Variants in GRIP1 observed in about 807,000 individuals in gnomAD.
The protein encoded by GRIP1 is glutamate receptor interacting protein 1, also known as glutamate receptor-interacting protein 1.
A neutral mutation model predicts 129.9 loss-of-function variants in GRIP1; 45 were observed. That is an observed-to-expected ratio of 0.35 (90% CI 0.27 to 0.44). The LOEUF is 0.44. Ranked by LOEUF, GRIP1 falls within the 20% of genes least tolerant of loss-of-function variation. The pLI is 1.00. For synonymous variants in GRIP1, 530 were observed against 520.8 expected (o/e 1.02, Z -0.24); for missense variants, 1,196 against 1,396.8 (o/e 0.86, Z 2.29).
intron 2 of GRIP1, among the ~76,000 whole-genome samples, chr12:66,590,884 T>G (rs970145285): frequency 6.6e-6 from 1 of 152,234 alleles, no homozygotes; most frequent in African/African-American, 2.4e-5. Context: ...ACAGAAAACA[T>G]GTGGTCAACA....
intron 1 of GRIP1, among the ~76,000 whole-genome samples, chr12:66,753,158 T>C (rs2037181530): frequency 6.6e-6 from 1 of 152,188 alleles, no homozygotes; most frequent in African/African-American, 2.4e-5. Flanking sequence ...TATATGGCTA[T>C]CCGACCCCAT....
chr12:66,485,811 T>C (rs1479188310), intron 7 of GRIP1, among the ~76,000 whole-genome samples: 1 of 135,840 alleles, frequency 7.4e-6, no homozygotes, highest in Admixed American at 6.8e-5. Context: ...AAAGGGCTAC[T>C]TTTTTTCTCA....
chr12:66,714,977 T>C (rs1188266775), intron 1 of GRIP1, among the ~76,000 whole-genome samples: 1 of 151,766 alleles, frequency 6.6e-6, no homozygotes, highest in Non-Finnish European at 1.5e-5. Flanking sequence ...ATCCAACCCA[T>C]CAGTCAAATC....
At chr12:66,859,661 T>A (rs11176458) in intron 1 of GRIP1, among the ~76,000 whole-genome samples, 2 of 151,772 alleles carry the variant, frequency 1.3e-5, no homozygotes, top group South Asian at 4.1e-4. Flanking sequence ...AAACAAGCAG[T>A]ATCATATAAG....
intron 1 of GRIP1, among the ~76,000 whole-genome samples, chr12:67,041,167 C>T (rs2135812150): frequency 6.6e-6 from 1 of 152,160 alleles, no homozygotes; most frequent in South Asian, 2.1e-4. Context: ...CTCTCTCTCT[C>T]TCTATATGTA....
chr12:66,779,431 G>A (rs984460868), intron 1 of GRIP1, among the ~76,000 whole-genome samples: 1 of 152,170 alleles, frequency 6.6e-6, no homozygotes, highest in African/African-American at 2.4e-5. Flanking sequence ...ATTTTATGGG[G>A]TAGATTTTAT....
intron 1 of GRIP1, among the ~76,000 whole-genome samples, chr12:66,728,531 C>T (rs976090694): frequency 2.6e-5 from 4 of 152,250 alleles, no homozygotes; most frequent in East Asian, 1.9e-4. Flanking sequence ...AGGGCACTTC[C>T]CAGACATCTC....
At chr12:66,452,983 C>T (rs2058850947) in intron 11 of GRIP1, among the ~76,000 whole-genome samples, 1 of 152,148 alleles carries the variant, frequency 6.6e-6, no homozygotes, top group Non-Finnish European at 1.5e-5. Context: ...TCTCCTGAGA[C>T]ACATTTATAA....
At chr12:67,053,310 T>C (rs919918610) in intron 1 of GRIP1, among the ~76,000 whole-genome samples, 6 of 152,214 alleles carry the variant, frequency 3.9e-5, no homozygotes, top group Admixed American at 3.3e-4. Context: ...TATAGAAGTA[T>C]AGAATATCTC....
At chr12:66,755,667 AC>A (rs953982275) in intron 1 of GRIP1, among the ~76,000 whole-genome samples, 2 of 152,076 alleles carry the variant, frequency 1.3e-5, no homozygotes, top group Admixed American at 1.3e-4. Flanking sequence ...CCTCTCCGTT[AC>A]CCAGCTGAAG....
intron 19 of GRIP1, among the ~76,000 whole-genome samples, chr12:66,389,908 T>G (rs568654972): frequency 6.6e-6 from 1 of 152,314 alleles, no homozygotes; most frequent in African/African-American, 2.4e-5. Flanking sequence ...TTAAAGGAAC[T>G]GGGGCTATTT....
intron 22 of GRIP1, among the ~76,000 whole-genome samples, chr12:66,376,662 T>C (rs193290579): frequency 4.0e-4 from 61 of 152,366 alleles, no homozygotes; most frequent in Non-Finnish European, 4.4e-5. Context: ...TGTCATCTAC[T>C]TTAAGGACAA....
At chr12:66,453,226 T>C (rs1049245647) in intron 11 of GRIP1, among the ~76,000 whole-genome samples, 3 of 152,250 alleles carry the variant, frequency 2.0e-5, no homozygotes, top group African/African-American at 7.2e-5. Context: ...CCAAACATCA[T>C]TTGTTTGTAT....
At chr12:66,712,286 C>T (rs1039208311) in intron 1 of GRIP1, among the ~76,000 whole-genome samples, 53 of 151,516 alleles carry the variant, frequency 3.5e-4, no homozygotes, top group African/African-American at 1.1e-3. Context: ...ATAATTTATG[C>T]ATAAAAACTA....
chr12:66,926,264 C>T (rs1436017561), intron 1 of GRIP1, among the ~76,000 whole-genome samples: 1 of 152,138 alleles, frequency 6.6e-6, no homozygotes, highest in Non-Finnish European at 1.5e-5. Flanking sequence ...TAATAATGTT[C>T]TCCACCACCT....
chr12:66,738,909 C>T (rs962300579), intron 1 of GRIP1, among the ~76,000 whole-genome samples: 4 of 152,188 alleles, frequency 2.6e-5, no homozygotes, highest in Non-Finnish European at 5.9e-5. Flanking sequence ...AGAAGCCATC[C>T]TACCCAATTC....
Position 66,814,111 on chromosome 12 carries a change from T to G in GRIP1, c.59-217184A>C, listed in dbSNP as rs540123350. On this transcript the variant is annotated intron_variant, in intron 1 of 1. Coordinates refer to the GRIP1 transcript ENST00000643019. ...TATACTTTATATATAGTTATAAATT[T>G]TATATATAGTTACATACTTTATATA... 1.6e-3 allele frequency among the ~76,000 whole-genome samples: 236 copies of G among 151,780 alleles called. 1 individual carries two copies. Among genetic ancestry groups the G allele is most frequent in the Non-Finnish European group, 2.2e-3 (148 of 67,926 alleles).
intron 9 of GRIP1, among the ~76,000 whole-genome samples, chr12:66,460,947 C>T (rs1193449586): frequency 5.9e-5 from 9 of 152,108 alleles, no homozygotes; most frequent in Admixed American, 2.0e-4. Context: ...TGCAATATAA[C>T]GGAAACACCT....
intron 8 of GRIP1, 108 bp from the exon 9 acceptor site, chr12:66,463,201 AAAG>A (rs144154456): frequency 0.22 from 212,792 of 982,026 alleles, 22,394 homozygotes; most frequent in African/African-American, 0.42. Flanking sequence ...ACTTAAAATA[AAAG>A]AAAAGAAAAG....
Sources: gnomAD v4.1 joint callset for allele counts (sites outside exome capture counted in the v4.1 genomes callset) on GRCh38, gnomAD v4.1.1 for gene constraint, MANE v1.5 for transcripts, NCBI Gene and HGNC (gene_info 2026-07-23, HGNC 2026-07-21) for gene names.